The following ZDHHC14 variants were observed in gnomAD, a reference collection of about 807,000 sequenced individuals.
ZDHHC14 encodes zDHHC palmitoyltransferase 14.
Under a neutral mutation model 47.7 loss-of-function variants are expected in ZDHHC14, and 16 were observed. That is an observed-to-expected ratio of 0.34 (90% CI 0.23 to 0.51). ZDHHC14 has a LOEUF of 0.51. ZDHHC14 is among the 20% of genes least tolerant of loss of function. The pLI is 0.97. For missense variants in ZDHHC14, 515 were observed against 662.5 expected, an observed-to-expected ratio of 0.78 and a Z score of 2.44; for synonymous variants, 293 against 278.9, an observed-to-expected ratio of 1.05 and a Z score of -0.50.
chr6:157,604,927 T>C (rs958849225), intron 3 of ZDHHC14, among the ~76,000 whole-genome samples: 2 of 152,194 alleles, frequency 1.3e-5, no homozygotes, highest in Non-Finnish European at 2.9e-5. Flanking sequence ...GCAATGGATA[T>C]TGGAGTTAGG....
chr6:157,428,673 G>A (rs906001927), intron 1 of ZDHHC14, among the ~76,000 whole-genome samples: 4 of 138,500 alleles, frequency 2.9e-5, no homozygotes, highest in African/African-American at 1.1e-4. Flanking sequence ...TGGGGTCTCA[G>A]GCCAGATTGC....
intron 5 of ZDHHC14, among the ~76,000 whole-genome samples, chr6:157,642,075 A>T (rs1050113065): frequency 1.4e-5 from 2 of 138,770 alleles, no homozygotes; most frequent in Non-Finnish European, 3.2e-5. Flanking sequence ...GATAGTTATC[A>T]TGTTGGAAAT....
At chr6:157,670,794 A>G (rs114658178) in intron 8 of ZDHHC14, among the ~76,000 whole-genome samples, 5,143 of 152,258 alleles carry the variant, frequency 0.034, 309 homozygotes, top group African/African-American at 0.12. Context: ...TCCACTATGA[A>G]CTTTACTCTT....
At chr6:157,400,765 G>A (rs1033877288) in intron 1 of ZDHHC14, among the ~76,000 whole-genome samples, 3 of 152,150 alleles carry the variant, frequency 2.0e-5, no homozygotes, top group East Asian at 1.9e-4. Context: ...AATAGCAGAC[G>A]CCTTCCTGAT....
chr6:157,598,698 T>A (rs891949028), intron 3 of ZDHHC14, among the ~76,000 whole-genome samples: 7 of 152,208 alleles, frequency 4.6e-5, no homozygotes, highest in Non-Finnish European at 1.0e-4. Flanking sequence ...TAGTGAGAAA[T>A]AATAGCATAC....
At chr6:157,465,857 C>T (rs1779200747) in intron 1 of ZDHHC14, among the ~76,000 whole-genome samples, 1 of 152,096 alleles carries the variant, frequency 6.6e-6, no homozygotes, top group Admixed American at 6.5e-5. Context: ...GCCTGGCCCA[C>T]ACGGCGAAAC....
At chr6:157,484,001 A>G (rs1056691439) in intron 1 of ZDHHC14, among the ~76,000 whole-genome samples, 24 of 152,060 alleles carry the variant, frequency 1.6e-4, no homozygotes, top group African/African-American at 5.8e-4. Context: ...ATCAACATGG[A>G]TGGAGCTGGA....
At chr6:157,404,078 A>T (rs143939802) in intron 1 of ZDHHC14, among the ~76,000 whole-genome samples, 3 of 152,254 alleles carry the variant, frequency 2.0e-5, no homozygotes, top group Non-Finnish European at 4.4e-5. Flanking sequence ...ACTCAGTGCC[A>T]TATATCTTTG....
intron 1 of ZDHHC14, among the ~76,000 whole-genome samples, chr6:157,430,740 G>A (rs142681693): frequency 6.4e-4 from 98 of 152,348 alleles, no homozygotes; most frequent in South Asian, 4.6e-3. Context: ...GGCGATTAGC[G>A]TATGGACATC....
In ZDHHC14 at chr6:157,535,655, G is replaced by C. The variant is rs558932940; in HGVS notation, c.246-6930G>C. On this transcript the variant is annotated intron_variant, in intron 1 of 8. Transcript: ENST00000359775. ...CATAGACTCCTGGCTCTGTGCGTCT[G>C]GGGTAATTAACACGATTAGTCACTA... 3.6e-4 allele frequency among the ~76,000 whole-genome samples: 55 copies of C among 152,260 alleles called. No homozygotes were observed. In the South Asian group the frequency reaches 5.2e-3, roughly 14 times the overall value.
intron 3 of ZDHHC14, among the ~76,000 whole-genome samples, chr6:157,627,972 T>G (rs986513011): frequency 2.6e-5 from 4 of 152,220 alleles, no homozygotes; most frequent in Non-Finnish European, 5.9e-5. Context: ...GCCCAGAACT[T>G]ACCATCAGGC....
In ZDHHC14 at chr6:157,436,859, C is replaced by T. The variant is rs567291698; in HGVS notation, c.245+54593C>T. ...GGAGGCCCAGATGCTGGAGGGAGGT[C>T]GAGGCAGGGCAGTCATCAGGGAGAT... On this transcript the variant is annotated intron_variant, in intron 1 of 8. Transcript: ENST00000359775. 5.3e-5 allele frequency among the ~76,000 whole-genome samples: 8 copies of T among 152,022 alleles called. No homozygotes were observed. In the East Asian group the frequency reaches 1.4e-3, roughly 26 times the overall value.
intron 1 of ZDHHC14, among the ~76,000 whole-genome samples, chr6:157,530,995 C>A (rs960731207): frequency 6.6e-6 from 1 of 151,970 alleles, no homozygotes; most frequent in African/African-American, 2.4e-5. Flanking sequence ...AAGAAGGTGG[C>A]CCTTTTTCTC....
rs1777221713 is a variant in ZDHHC14, at chr6:157,382,014, C to G, written c.-8C>G. The G allele has an allele frequency of 1.4e-6, 2 of 1,465,682 alleles. No homozygotes were observed. Among genetic ancestry groups the G allele is most frequent in the South Asian group, 2.7e-5 (2 of 73,120 alleles). 90.8% of individuals were successfully genotyped at this position (1,465,682 alleles called of 1,614,324 possible). A position where few individuals can be genotyped will look rare whatever the true frequency, so the allele number is the denominator to read the frequency against. ...GGGGTGTGCGCCCCCAGCCGGCTGC[C>G]CTCGTGGATGCCTCCCGGCGGCGGC... is the stretch of plus-strand genomic sequence containing the variant. On this transcript the variant is annotated 5_prime_UTR_variant, in exon 1 of 9. Transcript: ENST00000359775.
Position 157,673,144 on chromosome 6 carries a change from G to A in ZDHHC14, c.*22G>A. ...GTGACCCACATGGCCCCAGGCCGGG[G>A]GACACCAGAGGCTCCTCCATGGGCA... On this transcript the variant is annotated 3_prime_UTR_variant, in exon 9 of 9. Transcript: ENST00000359775. The surrounding 1 kb of genome is among the most constrained non-coding windows in gnomAD (Gnocchi z 5.4). The A allele has an allele frequency of 6.5e-7, 1 of 1,545,040 alleles. No individual in the cohort carries two copies. The highest frequency in any genetic ancestry group is 1.2e-5 in the South Asian group (1 of 83,526).
chr6:157,540,204 G>C (rs529937242), intron 1 of ZDHHC14, among the ~76,000 whole-genome samples: 1 of 152,242 alleles, frequency 6.6e-6, no homozygotes, highest in Admixed American at 6.5e-5. Flanking sequence ...TGCAGTGAGA[G>C]TGTGGCAGGG....
intron 2 of ZDHHC14, among the ~76,000 whole-genome samples, chr6:157,573,961 C>A (rs72565463): frequency 1.3e-5 from 2 of 150,906 alleles, no homozygotes; most frequent in Admixed American, 6.6e-5. Flanking sequence ...ACCTCGGGGT[C>A]GGGGGGGAAG....
intron 1 of ZDHHC14, among the ~76,000 whole-genome samples, chr6:157,388,195 A>G (rs770815354): frequency 1.9e-3 from 284 of 152,340 alleles, no homozygotes; most frequent in Non-Finnish European, 1.9e-3. Flanking sequence ...CTCATTTTAT[A>G]GACTTTTCAC....
chr6:157,592,732 G>A, intron 2 of ZDHHC14: 1 of 1,234,522 alleles, frequency 8.1e-7, no homozygotes, highest in South Asian at 3.1e-5. Flanking sequence ...GGGAGGGCCT[G>A]GCTGGGTGGG....
Sources: gnomAD v4.1 joint callset for allele counts (sites outside exome capture counted in the v4.1 genomes callset) on GRCh38, gnomAD v4.1.1 for gene constraint, Gnocchi (gnomAD v3.1) non-coding constraint, MANE v1.5 for transcripts, NCBI Gene and HGNC (gene_info 2026-07-23, HGNC 2026-07-21) for gene names.